MYOM1: variants seen among roughly 807,000 people sequenced by gnomAD.
The protein encoded by MYOM1 is myomesin 1.
MYOM1 carries 164 observed loss-of-function variants against 205.3 expected under a neutral mutation model. The ratio of observed to expected loss-of-function variants is 0.80; its 90% CI spans 0.70 to 0.91. The LOEUF (loss-of-function observed/expected upper bound fraction) is 0.91. Ranked by LOEUF, MYOM1 falls within the 40% of genes least tolerant of loss-of-function variation. The probability of loss-of-function intolerance (pLI) is 0.00; values close to 1 mark genes in which losing one functional copy is unlikely to be tolerated. For synonymous variants in MYOM1, 772 were observed against 789.4 expected, an observed-to-expected ratio of 0.98 and a Z score of 0.37; for missense variants, 2,011 against 2,127.3, an observed-to-expected ratio of 0.95 and a Z score of 1.08.
chr18:3,173,598 G>A (rs1211034135), intron 8 of MYOM1, among the ~76,000 whole-genome samples: 1 of 151,690 alleles, frequency 6.6e-6, no homozygotes, highest in Non-Finnish European at 1.5e-5. Context: ...GTGTGTGTGT[G>A]TGTGTGTGTG....
chr18:3,237,786 G>C, the MYOM1 span, among the ~76,000 whole-genome samples: 1 of 152,068 alleles, frequency 6.6e-6, no homozygotes, highest in South Asian at 2.1e-4. Flanking sequence ...GTGGTTACTG[G>C]GGGAAGGGAG....
chr18:3,176,709 C>G (rs917460438), intron 5 of MYOM1, among the ~76,000 whole-genome samples: 2 of 151,150 alleles, frequency 1.3e-5, no homozygotes, highest in Non-Finnish European at 2.9e-5. Context: ...GGTGAAATAC[C>G]ATCTCTACTA....
chr18:3,190,605 T>G (rs940389990), intron 3 of MYOM1: 3 of 152,182 alleles, frequency 2.0e-5, no homozygotes, highest in Non-Finnish European at 4.4e-5. Context: ...CATTATTATT[T>G]GGGGGGCAGG....
At chr18:3,211,031 T>G (rs1263368055) in intron 2 of MYOM1, among the ~76,000 whole-genome samples, 3 of 152,236 alleles carry the variant, frequency 2.0e-5, no homozygotes, top group Non-Finnish European at 4.4e-5. Flanking sequence ...ACTGTCACCA[T>G]GGAAGGTTGA....
In MYOM1 at chr18:3,189,009, AT is replaced by A. The variant is rs1567958728; in HGVS notation, c.509del (p.Asn170IlefsTer75). The A allele has an allele frequency of 6.2e-7, 1 of 1,613,630 alleles. No homozygotes were observed. ...TGATTCCTTCCTCACTAGCAAGAAG[AT>A]TCCTCTGGGCTATATAAGCAGCAGC... ...KEAAAYIAQR[N>X]LLASEEGITT... On this transcript the variant is annotated frameshift_variant, in exon 4 of 38. Transcript: ENST00000356443. LOFTEE classifies it high-confidence loss of function. The surrounding 1 kb of genome is among the most constrained non-coding windows in gnomAD (Gnocchi z 4.8).
chr18:3,095,828 G>A (rs1269013388), intron 25 of MYOM1, among the ~76,000 whole-genome samples: 1 of 152,186 alleles, frequency 6.6e-6, no homozygotes, highest in East Asian at 1.9e-4. Flanking sequence ...CAGGATGTCT[G>A]AGTGCACCAG....
chr18:3,173,014 A>T (rs1357485507), intron 8 of MYOM1, among the ~76,000 whole-genome samples: 2 of 152,178 alleles, frequency 1.3e-5, no homozygotes, highest in Non-Finnish European at 2.9e-5. Flanking sequence ...CCAGGTGAAA[A>T]ACTGCTATCA....
chr18:3,171,197 G>A (rs182825237), intron 8 of MYOM1, among the ~76,000 whole-genome samples: 1 of 152,308 alleles, frequency 6.6e-6, no homozygotes, highest in African/African-American at 2.4e-5. Flanking sequence ...GATTTCGTGT[G>A]TTCCCAGGTA....
intron 2 of MYOM1, among the ~76,000 whole-genome samples, chr18:3,198,484 G>A (rs981726174): frequency 6.6e-6 from 1 of 152,178 alleles, no homozygotes; most frequent in African/African-American, 2.4e-5. Context: ...TTTACTGAAT[G>A]AAGTGAAATA....
intron 36 of MYOM1, among the ~76,000 whole-genome samples, chr18:3,072,362 T>C (rs909069817): frequency 7.6e-6 from 1 of 131,776 alleles, no homozygotes; most frequent in Non-Finnish European, 1.6e-5. Flanking sequence ...TTTTTTTTTT[T>C]TTTTTTTTTG....
chr18:3,131,248 T>C, intron 17 of MYOM1, 127 bp downstream of exon 17: 1 of 1,054,764 alleles, frequency 9.5e-7, no homozygotes, highest in East Asian at 2.5e-5. Flanking sequence ...TCAGAGAAAA[T>C]GATCATCTAA....
At chr18:3,214,729 A>T (rs2081236078) in intron 2 of MYOM1, among the ~76,000 whole-genome samples, 1 of 152,198 alleles carries the variant, frequency 6.6e-6, no homozygotes, top group African/African-American at 2.4e-5. Context: ...AGGCGGAGGC[A>T]GGAGAATCGA....
chr18:3,067,491 TCG>T lies in MYOM1; in HGVS notation c.4827_4828del (p.Asn1609LysfsTer31). The T allele has an allele frequency of 6.2e-7, 1 of 1,613,856 alleles. No homozygotes were observed. The highest frequency in any genetic ancestry group is 1.1e-5 in the South Asian group (1 of 91,070). On this transcript the variant is annotated frameshift_variant, in exon 38 of 38. Coordinates refer to ENST00000356443, the MANE Select transcript of MYOM1 (RefSeq NM_003803.4). LOFTEE classifies it low-confidence loss of function (END_TRUNC). ...GTGGTCGTCTGAGGCCAGGGCCTTC[TCG>T]TTCTTCAACCACGACACCTCCGGAG...
intron 26 of MYOM1, 111 bp downstream of exon 26, chr18:3,094,059 T>C: frequency 9.3e-7 from 1 of 1,079,416 alleles, no homozygotes; most frequent in Non-Finnish European, 1.3e-6. Flanking sequence ...ATTTAAACTC[T>C]CCCACTCCAC....
chr18:3,136,885 T>C (rs1235137233), intron 14 of MYOM1, among the ~76,000 whole-genome samples: 2 of 152,206 alleles, frequency 1.3e-5, no homozygotes, highest in African/African-American at 2.4e-5. Context: ...CACTGCTTTA[T>C]GACAGAGCAT....
At position 3,102,650 on chromosome 18, in the gene MYOM1, G is replaced by T. The variant is rs1290563585; in HGVS notation, c.3419-20C>A. 6.2e-7 allele frequency: 1 copy of T among 1,603,070 alleles called. No individual in the cohort carries two copies. Reference sequence around the variant, plus strand: ...TGGTTCCTACAAGATCAAAAAGAAGGCACTGATACTTCGTGGAGGAAAGCA... The same window carrying T: ...TGGTTCCTACAAGATCAAAAAGAAGTCACTGATACTTCGTGGAGGAAAGCA... On this transcript the variant is annotated intron_variant, in intron 22 of 37. Coordinates refer to ENST00000356443, the MANE Select transcript of MYOM1 (RefSeq NM_003803.4).
chr18:3,129,727 T>A lies in MYOM1; in HGVS notation c.2507-208A>T, dbSNP rs913966253. 4 of 487,204 alleles carry A rather than the reference T, an allele frequency of 8.2e-6. No individual in the cohort carries two copies. In the South Asian group the frequency reaches 2.4e-4, roughly 30 times the overall value. The allele number at this position is 487,204 out of a possible 1,614,324, so 30.2% of individuals were successfully genotyped here. On this transcript the variant is annotated intron_variant, in intron 17 of 37. Coordinates refer to ENST00000356443, the MANE Select transcript of MYOM1 (RefSeq NM_003803.4). ...AAGGAACATTTCACCTTCCCCGTATTCTGGAAAAAGAAGAAATGAGAACAA... is the reference window on the plus strand; with the variant it reads ...AAGGAACATTTCACCTTCCCCGTATACTGGAAAAAGAAGAAATGAGAACAA...
At chr18:3,216,331 T>C (rs1291898923) in intron 1 of MYOM1, among the ~76,000 whole-genome samples, 1 of 152,184 alleles carries the variant, frequency 6.6e-6, no homozygotes, top group Non-Finnish European at 1.5e-5. Context: ...CTGCTCTAAT[T>C]ACCTTGTACA....
At chr18:3,167,021 C>T (rs1255885095) in intron 9 of MYOM1, among the ~76,000 whole-genome samples, 2 of 152,166 alleles carry the variant, frequency 1.3e-5, no homozygotes, top group African/African-American at 2.4e-5. Flanking sequence ...GCATGGGCCT[C>T]GCAGATATGT....
Sources: allele counts gnomAD v4.1 joint callset (sites outside exome capture counted in the v4.1 genomes callset), GRCh38; gene constraint gnomAD v4.1.1; non-coding constraint Gnocchi (gnomAD v3.1); transcripts MANE v1.5; gene names NCBI Gene and HGNC (gene_info 2026-07-23, HGNC 2026-07-21).